Variants in ATXN2L observed in about 807,000 individuals in gnomAD.
ATXN2L encodes ataxin 2 like, also known as ataxin-2-like protein.
In ATXN2L, 24 loss-of-function variants were observed where a neutral mutation model predicts 120.7. That is an observed-to-expected ratio of 0.20 (90% CI 0.14 to 0.28). The LOEUF is 0.28. Among genes scored for constraint, ATXN2L ranks in the 10% least tolerant of loss-of-function variants. ATXN2L has a pLI of 1.00. For missense variants in ATXN2L, 1,312 were observed against 1,432.3 expected (o/e 0.92, Z 1.36); for synonymous variants, 653 against 568.1 (o/e 1.15, Z -2.13).
chr16:28,833,949 AGT>A (rs1213109539), intron 15 of ATXN2L, 114 bp from the exon 16 acceptor site: 2 of 1,186,388 alleles, frequency 1.7e-6, no homozygotes, highest in African/African-American at 3.1e-5. Flanking sequence ...TATCAAGATA[AGT>A]GCAGAATATG....
intron 6 of ATXN2L, among the ~76,000 whole-genome samples, chr16:28,827,575 T>C (rs1345669791): frequency 6.6e-6 from 1 of 150,948 alleles, no homozygotes; most frequent in Non-Finnish European, 1.5e-5. Context: ...CTCTGAGGCA[T>C]TTAAAATCTC....
At chr16:28,825,941 T>G (rs1244769837) in intron 4 of ATXN2L, 100 bp downstream of exon 4, 23 of 1,198,170 alleles carry the variant, frequency 1.9e-5, no homozygotes, top group Non-Finnish European at 2.7e-5. Context: ...AGAGTATGCC[T>G]TTAGTTGTTT....
rs2050342661 is a variant in ATXN2L, at chr16:28,823,547, C to T, written c.288C>T (p.Ile96=). 7 of 1,357,996 alleles carry T rather than the reference C, an allele frequency of 5.2e-6. No individual in the cohort carries two copies. Among genetic ancestry groups the T allele is most frequent in the Non-Finnish European group, 5.7e-6 (6 of 1,058,258 alleles). 84.1% of individuals were successfully genotyped at this position (1,357,996 alleles called of 1,614,324 possible). A position where few individuals can be genotyped will look rare whatever the true frequency, so the allele number is the denominator to read the frequency against. Residue 96 remains isoleucine (I), a synonymous_variant, in exon 1 of 22, where the codon ATC becomes ATT. Coordinates refer to ENST00000336783, the MANE Select transcript of ATXN2L (RefSeq NM_007245.4). ...QHQERPGAAA[I]GSARGQSTGK... ...AGGAGAGGCCGGGGGCAGCCGCCATCGGCAGCGCCAGGTGAGAAGGGTGGG... is the reference window on the plus strand; with the variant it reads ...AGGAGAGGCCGGGGGCAGCCGCCATTGGCAGCGCCAGGTGAGAAGGGTGGG...
chr16:28,824,047 G>A, intron 1 of ATXN2L: 1 of 970,684 alleles, frequency 1.0e-6, no homozygotes, highest in Non-Finnish European at 1.2e-6. Flanking sequence ...CCCCCTTCCC[G>A]GTCTGGCCAG....
At chr16:28,824,577 G>A in intron 1 of ATXN2L, 1 of 1,278,208 alleles carries the variant, frequency 7.8e-7, no homozygotes, top group South Asian at 1.3e-5. Context: ...TGAGGTCGAG[G>A]GGATGGGGTG....
chr16:28,827,067 G>A, intron 6 of ATXN2L, 81 bp downstream of exon 6: 1 of 1,303,006 alleles, frequency 7.7e-7, no homozygotes, highest in Non-Finnish European at 1.0e-6. Flanking sequence ...GAGTGGGGAG[G>A]GAAATATTTA....
Position 28,835,924 on chromosome 16 carries a change from T to G in ATXN2L, c.2896-9T>G. 6.5e-7 allele frequency: 1 copy of G among 1,548,064 alleles called. No individual in the cohort carries two copies. The highest frequency in any genetic ancestry group is 2.3e-5 in the East Asian group (1 of 44,296). ...GTGGTCTTCCCGGCTACTTTTTTGT[T>G]TTCCACAGGCCCATGTCCAAACTGG... On this transcript the variant is annotated splice_polypyrimidine_tract_variant and intron_variant, in intron 21 of 21. Coordinates refer to ENST00000336783, the MANE Select transcript of ATXN2L (RefSeq NM_007245.4).
In ATXN2L at chr16:28,835,090, A is replaced by G; in HGVS notation, c.2466A>G (p.Pro822=). The part of the protein sequence containing the change: ...PVFAPMLQSN[P]RMLTSGSHPQ... ...TTGCCCCCATGCTTCAGAGCAACCCACGCATGCTGACGTCGGGCAGCCATC... is the reference window on the plus strand; with the variant it reads ...TTGCCCCCATGCTTCAGAGCAACCCGCGCATGCTGACGTCGGGCAGCCATC... Residue 822 remains proline (P), a synonymous_variant, in exon 19 of 22, where the codon CCA becomes CCG. Transcript: ENST00000336783. 6.2e-7 allele frequency: 1 copy of G among 1,613,734 alleles called. No individual in the cohort carries two copies. Among genetic ancestry groups the G allele is most frequent in the East Asian group, 2.2e-5 (1 of 44,860 alleles).
intron 1 of ATXN2L, chr16:28,824,378 G>T (rs2050923945): frequency 2.4e-6 from 3 of 1,247,798 alleles, no homozygotes; most frequent in African/African-American, 1.5e-5. Context: ...GGAAAGTCCC[G>T]TGGGTTTTAG....
chr16:28,825,221 A>G (rs1157091596), intron 1 of ATXN2L, 145 bp from the exon 2 acceptor site: 1 of 830,510 alleles, frequency 1.2e-6, no homozygotes, highest in Admixed American at 2.3e-5. Context: ...TGTCTCAAAA[A>G]AAATAGAAAA....
At chr16:28,824,646 C>T (rs1201125970) in intron 1 of ATXN2L, 38 of 1,152,180 alleles carry the variant, frequency 3.3e-5, no homozygotes, top group Non-Finnish European at 3.9e-5. Context: ...AAATGATTGT[C>T]TTTTCTGTTT....
intron 9 of ATXN2L, 26 bp from the exon 10 acceptor site, chr16:28,830,936 C>CAAAAAA: frequency 6.3e-6 from 8 of 1,270,496 alleles, no homozygotes; most frequent in Middle Eastern, 2.5e-4. Context: ...ATTTTCTTCT[C>CAAAAAA]AAAAAAAAAA....
intron 10 of ATXN2L, among the ~76,000 whole-genome samples, chr16:28,831,954 C>T (rs978682170): frequency 1.3e-5 from 2 of 152,214 alleles, no homozygotes; most frequent in African/African-American, 4.8e-5. Flanking sequence ...ATTCTGTCAA[C>T]TGAGCTTGCC....
rs766756824 is a variant in ATXN2L at position 28,831,023 on chromosome 16, G to A, written c.1272G>A (p.Ser424=). ...TGAGAGGTGCCAAGACTCTGTCTTC[G>A]CCCAGTAATAGGCCTTCTGGAGAAA... ...RPLRGAKTLS[S]PSNRPSGETS... Residue 424 remains serine, a synonymous_variant, in exon 10 of 22, where the codon TCG becomes TCA. Transcript: ENST00000336783. The A allele has an allele frequency of 8.1e-6, 13 of 1,611,260 alleles. No homozygotes were observed. The highest frequency in any genetic ancestry group is 3.4e-5 in the Admixed American group (2 of 59,538).
intron 20 of ATXN2L, 59 bp from the exon 21 acceptor site, chr16:28,835,490 G>C: frequency 1.2e-6 from 2 of 1,610,698 alleles, no homozygotes; most frequent in East Asian, 2.2e-5. Context: ...TGAGTGGCGA[G>C]GACTGGGGGC....
At chr16:28,824,973 C>G (rs1435964064) in intron 1 of ATXN2L, among the ~76,000 whole-genome samples, 1 of 151,350 alleles carries the variant, frequency 6.6e-6, no homozygotes, top group Non-Finnish European at 1.5e-5. Flanking sequence ...CTTTAGGAGG[C>G]AAAGGTGGGA....
chr16:28,826,016 T>A, intron 4 of ATXN2L, 175 bp downstream of exon 4: 1 of 828,844 alleles, frequency 1.2e-6, no homozygotes, highest in Non-Finnish European at 1.9e-6. Flanking sequence ...GGTACTTTAA[T>A]GTTAAAATAT....
Position 28,830,043 on chromosome 16 carries a change from C to G in ATXN2L, c.1019C>G (p.Pro340Arg). The change falls in exon 8 of 22, where the codon CCC becomes CGC. Residue 340 changes from proline (P) to arginine (R), a missense_variant. Transcript: ENST00000336783. ...CGGCAGGGCTCAGGGCGGGAGAGCC[C>G]CAGCTTGGCATCCAGGTGACTGTTG... ...VQRQGSGRES[P>R]SLASREGKYI... 2.5e-6 allele frequency: 4 copies of G among 1,610,260 alleles called. No individual in the cohort carries two copies. The highest frequency in any genetic ancestry group is 2.5e-6 in the Non-Finnish European group (3 of 1,176,822).
Position 28,823,355 on chromosome 16 carries a change from C to T in ATXN2L, c.96C>T (p.Ser32=). ...AVARRPPGGT[S]PPNGGLPGPL... is the part of the protein sequence containing the mutation. Reference sequence around the variant, plus strand: ...CCCGTCGGCCCCCCGGGGGCACCAGCCCTCCCAACGGCGGCCTCCCGGGGC... The same window carrying T: ...CCCGTCGGCCCCCCGGGGGCACCAGTCCTCCCAACGGCGGCCTCCCGGGGC... Residue 32 remains serine, a synonymous_variant, in exon 1 of 22, where the codon AGC becomes AGT. Transcript: ENST00000336783. 3 of 1,367,180 alleles carry T rather than the reference C, an allele frequency of 2.2e-6. No individual in the cohort carries two copies. The highest frequency in any genetic ancestry group is 1.9e-6 in the Non-Finnish European group (2 of 1,062,454). 84.7% of individuals were successfully genotyped at this position (1,367,180 alleles called of 1,614,324 possible).
Sources: allele counts gnomAD v4.1 joint callset (sites outside exome capture counted in the v4.1 genomes callset), GRCh38; gene constraint gnomAD v4.1.1; transcripts MANE v1.5; gene names NCBI Gene and HGNC (gene_info 2026-07-23, HGNC 2026-07-21).